The following EXT1 variants were observed in gnomAD, a reference collection of about 807,000 sequenced individuals.
The protein encoded by EXT1 is exostosin glycosyltransferase 1.
A neutral mutation model predicts 82.5 loss-of-function variants in EXT1; 20 were observed. The observed-to-expected ratio is 0.24, with a 90% CI of 0.17 to 0.35. EXT1 has a LOEUF of 0.35. Among genes scored for constraint, EXT1 ranks in the 10% least tolerant of loss-of-function variants. EXT1 has a pLI of 1.00. For missense variants in EXT1, 757 were observed against 936.5 expected (o/e 0.81, Z 2.50); for synonymous variants, 348 against 350.8 (o/e 0.99, Z 0.09).
intron 1 of EXT1, among the ~76,000 whole-genome samples, chr8:118,015,358 G>A (rs989564830): frequency 1.2e-4 from 18 of 151,986 alleles, no homozygotes; most frequent in African/African-American, 3.9e-4. Context: ...CTTCTTCCCC[G>A]CAAAATGAAC....
At chr8:117,976,460 T>C (rs144798137) in intron 1 of EXT1, among the ~76,000 whole-genome samples, 2 of 152,220 alleles carry the variant, frequency 1.3e-5, no homozygotes, top group South Asian at 2.1e-4. Flanking sequence ...AAGCCACAGA[T>C]AACCACAACC....
In EXT1 at chr8:117,863,852, TTATA is replaced by T. The variant is rs762788398; in HGVS notation, c.963-26655_963-26652del. 3.9e-5 allele frequency among the ~76,000 whole-genome samples: 6 copies of T among 152,196 alleles called. No homozygotes were observed. The East Asian group carries it at 5.8e-4, about 15-fold the overall frequency. ...AAGCCCCGCAGAGCCCAGAGGTATT[TTATA>T]TATGCATATGAGGAGCTCTAAGCCC... On this transcript the variant is annotated intron_variant, in intron 1 of 10. Coordinates refer to ENST00000378204, the MANE Select transcript of EXT1 (RefSeq NM_000127.3).
Position 118,043,392 on chromosome 8 carries a change from C to T in EXT1, c.962+66693G>A, listed in dbSNP as rs576286624. 1.8e-3 allele frequency among the ~76,000 whole-genome samples: 281 copies of T among 152,266 alleles called. 2 individuals are homozygous for T. Among genetic ancestry groups the T allele is most frequent in the African/African-American group, 6.6e-3 (274 of 41,544 alleles). On this transcript the variant is annotated intron_variant, in intron 1 of 10. Coordinates refer to ENST00000378204, the MANE Select transcript of EXT1 (RefSeq NM_000127.3). ...ACAGAATTATTTCCTAGGAAAGAGA[C>T]CTACTCAGCCAAGAAAAACTACACT...
At chr8:118,030,660 T>C (rs1379454341) in intron 1 of EXT1, among the ~76,000 whole-genome samples, 7 of 152,142 alleles carry the variant, frequency 4.6e-5, no homozygotes, top group African/African-American at 1.7e-4. Flanking sequence ...TTTTTTGTAC[T>C]TAGTAGAGAT....
chr8:117,995,823 C>T (rs1185483313), intron 1 of EXT1, among the ~76,000 whole-genome samples: 1 of 152,182 alleles, frequency 6.6e-6, no homozygotes, highest in African/African-American at 2.4e-5. Flanking sequence ...CCAACCACCT[C>T]CTTCACATTT....
chr8:117,889,365 C>A (rs1165940512), intron 1 of EXT1, among the ~76,000 whole-genome samples: 1 of 152,152 alleles, frequency 6.6e-6, no homozygotes, highest in African/African-American at 2.4e-5. Context: ...AAATATACAC[C>A]GTGAGTTAAA....
intron 10 of EXT1, among the ~76,000 whole-genome samples, chr8:117,803,766 C>T (rs1325276476): frequency 6.6e-6 from 1 of 152,156 alleles, no homozygotes; most frequent in African/African-American, 2.4e-5. Context: ...ACCTTTAATA[C>T]TAAAATTGTA....
chr8:118,028,568 ATATAT>A (rs1401425889), intron 1 of EXT1, among the ~76,000 whole-genome samples: 11 of 152,076 alleles, frequency 7.2e-5, no homozygotes, highest in African/African-American at 4.8e-5. Flanking sequence ...TGACTAACAT[ATATAT>A]TATATTTATA....
Position 117,969,990 on chromosome 8 carries a change from T to C in EXT1, c.963-132789A>G, listed in dbSNP as rs532829377. On this transcript the variant is annotated intron_variant, in intron 1 of 10. Transcript: ENST00000378204. ...GGAGGAAGGAGAACTGATTCTAGTG[T>C]CTGCTCTACCACAAAAAAGCCATGA... Among the ~76,000 whole-genome samples, 22 of 152,316 alleles carry C rather than the reference T, an allele frequency of 1.4e-4. 1 individual carries two copies. In the South Asian group the frequency reaches 2.7e-3, roughly 19 times the overall value.
At chr8:117,968,545 ATTTATTTATTTTTTTTTTTTTTTTTTTTT>A (rs144963015) in intron 1 of EXT1, among the ~76,000 whole-genome samples, 48,001 of 72,940 alleles carry the variant, frequency 0.66, 15,970 homozygotes, top group African/African-American at 0.78. Context: ...TTATTTATTT[ATTTATTTATTTTTTTTTTTTTTTTTTTTT>A]TTTTTTTTTT....
chr8:117,992,300 A>G (rs1378964119), intron 1 of EXT1, among the ~76,000 whole-genome samples: 1 of 152,042 alleles, frequency 6.6e-6, no homozygotes, highest in African/African-American at 2.4e-5. Flanking sequence ...TCCCAAACAC[A>G]TTATAAACTC....
chr8:118,068,034 A>G (rs1008287126), intron 1 of EXT1, among the ~76,000 whole-genome samples: 5 of 152,222 alleles, frequency 3.3e-5, no homozygotes, highest in African/African-American at 1.2e-4. Flanking sequence ...GGCCCCCACT[A>G]TATATCTAGA....
chr8:117,996,996 G>A (rs1211263824), intron 1 of EXT1, among the ~76,000 whole-genome samples: 3 of 152,144 alleles, frequency 2.0e-5, no homozygotes, highest in African/African-American at 4.8e-5. Context: ...CGCACACAAT[G>A]AGAGATAAAG....
At chr8:118,052,143 G>A (rs1177616822) in intron 1 of EXT1, among the ~76,000 whole-genome samples, 2 of 152,238 alleles carry the variant, frequency 1.3e-5, no homozygotes, top group Admixed American at 1.3e-4. Flanking sequence ...GGAGCTGAAC[G>A]CAAACATGAT....
chr8:117,987,134 TC>T (rs1385287170), intron 1 of EXT1, among the ~76,000 whole-genome samples: 1 of 152,200 alleles, frequency 6.6e-6, no homozygotes, highest in Non-Finnish European at 1.5e-5. Flanking sequence ...TGAGGTTGTA[TC>T]TTTAGCAAAT....
intron 1 of EXT1, among the ~76,000 whole-genome samples, chr8:118,044,326 C>T (rs558860051): frequency 1.4e-4 from 22 of 152,208 alleles, no homozygotes; most frequent in Admixed American, 5.2e-4. Context: ...ACTGCTGCCC[C>T]CATGGCTCAT....
At chr8:117,905,353 A>G (rs1813523776) in intron 1 of EXT1, among the ~76,000 whole-genome samples, 1 of 152,180 alleles carries the variant, frequency 6.6e-6, no homozygotes, top group African/African-American at 2.4e-5. Context: ...CTGCTCTGAA[A>G]AATCATCAAG....
At chr8:117,850,291 T>C (rs565608447) in intron 1 of EXT1, among the ~76,000 whole-genome samples, 3 of 152,236 alleles carry the variant, frequency 2.0e-5, no homozygotes, top group Non-Finnish European at 4.4e-5. Context: ...GTCAGATAGA[T>C]AGCTGCTAAG....
chr8:117,877,965 C>T (rs1812999302), intron 1 of EXT1, among the ~76,000 whole-genome samples: 1 of 152,170 alleles, frequency 6.6e-6, no homozygotes, highest in Non-Finnish European at 1.5e-5. Flanking sequence ...CTTGTGGTGT[C>T]AATTTATTTA....
Sources: gnomAD v4.1 joint callset for allele counts (sites outside exome capture counted in the v4.1 genomes callset) on GRCh38, gnomAD v4.1.1 for gene constraint, MANE v1.5 for transcripts, NCBI Gene and HGNC (gene_info 2026-07-23, HGNC 2026-07-21) for gene names.